Variants in MED15 observed in about 807,000 individuals in gnomAD.
The protein encoded by MED15 is mediator complex subunit 15.
MED15 carries 41 observed loss-of-function variants against 118.7 expected under a neutral mutation model. The observed-to-expected ratio is 0.35, with a 90% CI of 0.27 to 0.45. The LOEUF is 0.45. Ranked by LOEUF, MED15 falls within the 20% of genes least tolerant of loss-of-function variation. The pLI is 1.00. For synonymous variants in MED15, 436 were observed against 413.9 expected (o/e 1.05, Z -0.65); for missense variants, 740 against 1,025.5 (o/e 0.72, Z 3.80).
At chr22:20,512,238 C>A (rs1355571435) in intron 1 of MED15, among the ~76,000 whole-genome samples, 1 of 152,012 alleles carries the variant, frequency 6.6e-6, no homozygotes. Context: ...ATCCTCCCTA[C>A]TAGCCTTCCA....
intron 1 of MED15, among the ~76,000 whole-genome samples, chr22:20,519,305 A>G (rs1180850928): frequency 6.6e-6 from 1 of 152,178 alleles, no homozygotes; most frequent in Non-Finnish European, 1.5e-5. Context: ...GTCTAGGTGC[A>G]GGGCTGTTAA....
At chr22:20,575,092 G>A (rs2056783399) in intron 8 of MED15, 21 bp from the exon 9 acceptor site, 2 of 1,612,932 alleles carry the variant, frequency 1.2e-6, no homozygotes, top group African/African-American at 1.3e-5. Flanking sequence ...CACCTTGTCT[G>A]TTGTCCCTCT....
chr22:20,575,153 G>C lies in MED15; in HGVS notation c.1193G>C (p.Arg398Thr). The C allele has an allele frequency of 6.2e-7, 1 of 1,614,166 alleles. No homozygotes were observed. The highest frequency in any genetic ancestry group is 8.5e-7 in the Non-Finnish European group (1 of 1,180,034). Residue 398 changes from arginine to threonine, a missense_variant, in exon 9 of 18, where the codon AGA (arginine) becomes ACA (threonine). Around this residue, in one of 7 missense-constraint regions of MED15, gnomAD observed 384 missense variants for 506.3 expected, o/e 0.76. Coordinates refer to ENST00000263205, the MANE Select transcript of MED15 (RefSeq NM_001003891.3). ...TTGGCCCAAGGTGGGATGCACATAA[G>C]AGCCCGGTTCCCGCCTACCACCGCT... ...EALAQGGMHIRARFPPTTAVS... is the reference protein window; with the variant it reads ...EALAQGGMHITARFPPTTAVS...
chr22:20,562,849 GC>G (rs2056296727), intron 5 of MED15, among the ~76,000 whole-genome samples: 1 of 152,086 alleles, frequency 6.6e-6, no homozygotes, highest in Admixed American at 6.6e-5. Flanking sequence ...ATCAGCCTGG[GC>G]AACAAAGTGA....
chr22:20,536,098 A>T (rs1410677966), intron 1 of MED15, among the ~76,000 whole-genome samples: 1 of 141,720 alleles, frequency 7.1e-6, no homozygotes, highest in Non-Finnish European at 1.5e-5. Flanking sequence ...TTGGTCTTGA[A>T]CTCCTGACCT....
intron 1 of MED15, chr22:20,507,971 T>TGG (rs1181948126): frequency 7.0e-7 from 1 of 1,436,590 alleles, no homozygotes; most frequent in East Asian, 2.5e-5. Context: ...CAACGAGCCC[T>TGG]GGCTTATGAA....
At chr22:20,559,818 A>C (rs1259193189) in intron 5 of MED15, among the ~76,000 whole-genome samples, 1 of 152,178 alleles carries the variant, frequency 6.6e-6, no homozygotes, top group East Asian at 1.9e-4. Context: ...ATCTTTTTTT[A>C]TCCTTTTTCC....
chr22:20,563,793 C>T (rs1194177150), intron 5 of MED15, among the ~76,000 whole-genome samples: 1 of 152,176 alleles, frequency 6.6e-6, no homozygotes, highest in Non-Finnish European at 1.5e-5. Context: ...TACAATTCAC[C>T]CATCTGAAGT....
intron 4 of MED15, 23 bp from the exon 5 acceptor site, chr22:20,554,913 G>A (rs1363020339): frequency 6.3e-7 from 1 of 1,579,714 alleles, no homozygotes; most frequent in East Asian, 2.2e-5. Flanking sequence ...TTCCTGAGAA[G>A]CTCTGCCCTT....
chr22:20,580,610 T>C (rs754831977), intron 9 of MED15, among the ~76,000 whole-genome samples: 1 of 152,092 alleles, frequency 6.6e-6, no homozygotes, highest in Non-Finnish European at 1.5e-5. Flanking sequence ...GGGCTGAGCA[T>C]GGGGCCCAGA....
At chr22:20,551,521 A>T in intron 3 of MED15, 34 bp downstream of exon 3, 1 of 1,603,726 alleles carries the variant, frequency 6.2e-7, no homozygotes. Flanking sequence ...GGTTGTTGAG[A>T]TCTCTGTGAG....
intron 5 of MED15, among the ~76,000 whole-genome samples, chr22:20,556,610 G>T (rs1443651028): frequency 6.6e-6 from 1 of 152,040 alleles, no homozygotes; most frequent in African/African-American, 2.4e-5. Flanking sequence ...GACTTCATCA[G>T]TTTTTTTACA....
At chr22:20,561,216 A>G (rs767357536) in intron 5 of MED15, among the ~76,000 whole-genome samples, 7 of 152,112 alleles carry the variant, frequency 4.6e-5, no homozygotes, top group Admixed American at 2.0e-4. Flanking sequence ...AAAGACAAAG[A>G]AGCTTAGAAA....
intron 2 of MED15, among the ~76,000 whole-genome samples, chr22:20,542,686 C>T (rs1214560561): frequency 6.6e-6 from 1 of 152,162 alleles, no homozygotes; most frequent in Non-Finnish European, 1.5e-5. Flanking sequence ...ATTCCTGCTT[C>T]TAAAATTTTG....
intron 1 of MED15, chr22:20,508,240 G>C: frequency 7.9e-7 from 1 of 1,272,630 alleles, no homozygotes; most frequent in South Asian, 1.3e-5. Flanking sequence ...ATCTGAGGGT[G>C]ACCCCCCGAA....
chr22:20,552,637 T>A (rs571757011), intron 3 of MED15: 86 of 358,986 alleles, frequency 2.4e-4, no homozygotes, highest in Non-Finnish European at 3.6e-4. Flanking sequence ...GCTACAGAAG[T>A]TCTCCGCTGG....
chr22:20,561,753 G>A (rs1014428197), intron 5 of MED15, among the ~76,000 whole-genome samples: 4 of 152,112 alleles, frequency 2.6e-5, no homozygotes, highest in African/African-American at 4.8e-5. Context: ...AGTGGCTCAC[G>A]TCTGTAATCC....
chr22:20,584,541 T>C, intron 14 of MED15, 116 bp downstream of exon 14: 1 of 1,237,776 alleles, frequency 8.1e-7, no homozygotes, highest in Non-Finnish European at 1.2e-6. Context: ...GGCCTGACCT[T>C]GGACCCTGCC....
At chr22:20,586,536 G>C (rs757596164) in intron 17 of MED15, 32 bp from the exon 18 acceptor site, 1 of 1,605,700 alleles carries the variant, frequency 6.2e-7, no homozygotes, top group Non-Finnish European at 8.5e-7. Context: ...AGCGCCGGCC[G>C]CCTTAGGTTC....
Sources: allele counts gnomAD v4.1 joint callset (sites outside exome capture counted in the v4.1 genomes callset), GRCh38; gene constraint gnomAD v4.1.1; regional missense constraint gnomAD v4.1.1; transcripts MANE v1.5; gene names NCBI Gene and HGNC (gene_info 2026-07-23, HGNC 2026-07-21).